Variants in TPP2 observed in about 807,000 individuals in gnomAD.
The protein encoded by TPP2 is tripeptidyl peptidase 2.
TPP2 carries 34 observed loss-of-function variants against 155.9 expected under a neutral mutation model. The ratio of observed to expected loss-of-function variants is 0.22; its 90% CI spans 0.17 to 0.29. The LOEUF (loss-of-function observed/expected upper bound fraction) is 0.29, where lower values mean the gene tolerates loss of function less well. Among genes scored for constraint, TPP2 ranks in the 10% least tolerant of loss-of-function variants. The probability of loss-of-function intolerance (pLI) is 1.00; values close to 1 mark genes in which losing one functional copy is unlikely to be tolerated. For synonymous variants in TPP2, 510 were observed against 529.4 expected (o/e 0.96, Z 0.50); for missense variants, 1,028 against 1,522.3 (o/e 0.68, Z 5.40).
At chr13:102,661,450 C>T (rs1884218693) in intron 25 of TPP2, among the ~76,000 whole-genome samples, 1 of 151,742 alleles carries the variant, frequency 6.6e-6, no homozygotes, top group South Asian at 2.1e-4. Flanking sequence ...ACTATGTTGC[C>T]CAGGCTAGTC....
intron 4 of TPP2, among the ~76,000 whole-genome samples, 177 bp downstream of exon 4, chr13:102,616,677 A>G (rs919235681): frequency 6.6e-5 from 10 of 152,316 alleles, no homozygotes; most frequent in Middle Eastern, 3.4e-3. Flanking sequence ...GTACATATGT[A>G]TGAATTTTTA....
intron 25 of TPP2, among the ~76,000 whole-genome samples, chr13:102,661,277 GTC>G (rs1884202133): frequency 1.4e-5 from 2 of 146,570 alleles, no homozygotes; most frequent in Non-Finnish European, 3.0e-5. Flanking sequence ...TTGAGACAGG[GTC>G]TCTCTCTGTC....
At chr13:102,655,719 C>T (rs778918301) in intron 24 of TPP2, among the ~76,000 whole-genome samples, 1 of 152,198 alleles carries the variant, frequency 6.6e-6, no homozygotes, top group Non-Finnish European at 1.5e-5. Context: ...GCCTGGACTG[C>T]TCCACTGTCC....
At chr13:102,646,861 C>G (rs951728965) in intron 20 of TPP2, among the ~76,000 whole-genome samples, 1 of 152,206 alleles carries the variant, frequency 6.6e-6, no homozygotes, top group East Asian at 1.9e-4. Flanking sequence ...TTCAATAAAA[C>G]TGTTACTGAA....
intron 25 of TPP2, among the ~76,000 whole-genome samples, chr13:102,657,747 A>G (rs1883952711): frequency 6.6e-6 from 1 of 152,194 alleles, no homozygotes; most frequent in South Asian, 2.1e-4. Context: ...ATTTTTATAC[A>G]TAAAGGTGAT....
chr13:102,612,159 T>A (rs1268076060), intron 2 of TPP2, among the ~76,000 whole-genome samples: 1 of 152,246 alleles, frequency 6.6e-6, no homozygotes, highest in Non-Finnish European at 1.5e-5. Context: ...AATGAATGAC[T>A]TGGCCAGATT....
chr13:102,673,138 C>G (rs535935787), intron 27 of TPP2, among the ~76,000 whole-genome samples: 1 of 152,268 alleles, frequency 6.6e-6, no homozygotes, highest in Non-Finnish European at 1.5e-5. Flanking sequence ...TTCTATGGTA[C>G]TTAGCGTTCA....
intron 5 of TPP2, among the ~76,000 whole-genome samples, chr13:102,621,987 C>T (rs138600564): frequency 2.0e-5 from 3 of 152,278 alleles, no homozygotes; most frequent in East Asian, 1.9e-4. Flanking sequence ...CCTATACCTT[C>T]GTATATTCTA....
chr13:102,666,810 A>G (rs924909733), intron 27 of TPP2, among the ~76,000 whole-genome samples: 9 of 96,396 alleles, frequency 9.3e-5, no homozygotes, highest in Non-Finnish European at 1.5e-4. Context: ...CTCTTTGGAG[A>G]TTACTAGACA....
chr13:102,600,830 G>A (rs149302000), intron 1 of TPP2, among the ~76,000 whole-genome samples: 130 of 149,826 alleles, frequency 8.7e-4, no homozygotes, highest in Middle Eastern at 7.1e-3. Flanking sequence ...CCCAAGTTGG[G>A]TTTTGTGTTT....
intron 10 of TPP2, among the ~76,000 whole-genome samples, chr13:102,632,386 C>T (rs184967685): frequency 4.6e-5 from 7 of 151,846 alleles, no homozygotes; most frequent in Admixed American, 2.0e-4. Flanking sequence ...GAATTACAGG[C>T]GCTCACCACC....
intron 11 of TPP2, among the ~76,000 whole-genome samples, chr13:102,634,812 T>C (rs1398661410): frequency 6.6e-6 from 1 of 152,212 alleles, no homozygotes; most frequent in Non-Finnish European, 1.5e-5. Flanking sequence ...CTCTTTCTAG[T>C]TCTCTTCAGC....
In TPP2 at chr13:102,618,855, C is replaced by T. The variant is rs758663262; in HGVS notation, c.620+9C>T. ...GATGGCGAAGTCTGGAGGTAAACTT[C>T]GTGTATTTTATACATCTTCATTTAC... On this transcript the variant is annotated intron_variant, in intron 5 of 29. Transcript: ENST00000376052. The T allele has an allele frequency of 2.6e-5, 41 of 1,600,890 alleles. No homozygotes were observed. Among genetic ancestry groups the T allele is most frequent in the South Asian group, 1.9e-4 (17 of 88,340 alleles).
In TPP2 at chr13:102,637,118, C is replaced by T; in HGVS notation, c.1715C>T (p.Ala572Val). The T allele has an allele frequency of 6.2e-7, 1 of 1,611,144 alleles. No homozygotes were observed. The highest frequency in any genetic ancestry group is 8.5e-7 in the Non-Finnish European group (1 of 1,179,382). Residue 572 changes from alanine (A) to valine (V), a missense_variant, in exon 14 of 30, where the codon GCT (alanine) becomes GTT (valine). Around this residue, in one of 7 missense-constraint regions of TPP2, gnomAD observed 325 missense variants for 463.7 expected, o/e 0.70. Coordinates refer to ENST00000376052, the MANE Select transcript of TPP2 (RefSeq NM_001330588.2). ...AAAATATCCCTTCAGCTTCATTTAG[C>T]TCTGACTTCAAATTCATCTTGGGTT... ...SEKISLQLHL[A>V]LTSNSSWVQC... is the part of the protein sequence containing the mutation.
At position 102,678,543 on chromosome 13, in the gene TPP2, G is replaced by A. The variant is rs535733024; in HGVS notation, c.*227G>A. ...TCTTAATGCCTCACATTGCTGGCAC[G>A]GGGATGTGCCCTGCCTGCCAGCACC... On this transcript the variant is annotated 3_prime_UTR_variant, in exon 30 of 30. Transcript: ENST00000376052. 9.9e-5 allele frequency: 42 copies of A among 425,748 alleles called. No homozygotes were observed. In the Admixed American group the frequency reaches 1.1e-3, roughly 11 times the overall value. The allele number at this position is 425,748 out of a possible 1,614,324, so 26.4% of individuals were successfully genotyped here. A position where few individuals can be genotyped will look rare whatever the true frequency, so the allele number is the denominator to read the frequency against.
At chr13:102,638,015 AC>A (rs1882498511) in intron 14 of TPP2, among the ~76,000 whole-genome samples, 1 of 152,196 alleles carries the variant, frequency 6.6e-6, no homozygotes, top group Non-Finnish European at 1.5e-5. Context: ...CTTATTTTGT[AC>A]CTGACGTCTC....
intron 25 of TPP2, among the ~76,000 whole-genome samples, chr13:102,662,613 C>T (rs955325393): frequency 1.3e-5 from 2 of 152,056 alleles, no homozygotes; most frequent in African/African-American, 4.8e-5. Context: ...AAAAACAGGA[C>T]TTAATTTTTT....
chr13:102,653,356 T>A (rs1275411346), intron 24 of TPP2, among the ~76,000 whole-genome samples: 4 of 152,188 alleles, frequency 2.6e-5, no homozygotes, highest in Non-Finnish European at 5.9e-5. Context: ...TCACCCTTTT[T>A]AAAATTCCTT....
intron 14 of TPP2, 25 bp from the exon 15 acceptor site, chr13:102,638,214 G>A (rs1244105268): frequency 2.5e-6 from 4 of 1,602,836 alleles, no homozygotes; most frequent in African/African-American, 2.7e-5. Context: ...TATGGATATT[G>A]ACACTTACCG....
Sources: gnomAD v4.1 joint callset for allele counts (sites outside exome capture counted in the v4.1 genomes callset) on GRCh38, gnomAD v4.1.1 for gene constraint, gnomAD v4.1.1 regional missense constraint, MANE v1.5 for transcripts, NCBI Gene and HGNC (gene_info 2026-07-23, HGNC 2026-07-21) for gene names.